Variants in PRKG1 observed in about 807,000 individuals in gnomAD.
PRKG1 encodes the protein protein kinase cGMP-dependent 1, also known as cGMP-dependent protein kinase 1.
PRKG1 carries 35 observed loss-of-function variants against 88.1 expected under a neutral mutation model. The ratio of observed to expected loss-of-function variants is 0.40; its 90% CI spans 0.30 to 0.53. The LOEUF (loss-of-function observed/expected upper bound fraction) is 0.53, where lower values mean the gene tolerates loss of function less well. Ranked by LOEUF, PRKG1 falls within the 20% of genes least tolerant of loss-of-function variation. The pLI, the probability that PRKG1 is intolerant of heterozygous loss-of-function variation, is 0.59. For missense variants in PRKG1, 540 were observed against 839.8 expected, an observed-to-expected ratio of 0.64 and a Z score of 4.41; for synonymous variants, 303 against 292.5, an observed-to-expected ratio of 1.04 and a Z score of -0.37.
intron 3 of PRKG1, among the ~76,000 whole-genome samples, chr10:51,542,836 T>C (rs887401989): frequency 1.3e-5 from 2 of 152,196 alleles, no homozygotes; most frequent in African/African-American, 4.8e-5. Context: ...TTATGTAGCC[T>C]ATCTGGACCT....
chr10:51,787,407 G>A (rs1377199412), intron 3 of PRKG1, among the ~76,000 whole-genome samples: 1 of 152,078 alleles, frequency 6.6e-6, no homozygotes, highest in African/African-American at 2.4e-5. Context: ...TCTAGTCTAA[G>A]CAACAATGTA....
chr10:51,454,906 C>G (rs1340703396), intron 2 of PRKG1, among the ~76,000 whole-genome samples: 1 of 152,186 alleles, frequency 6.6e-6, no homozygotes, highest in East Asian at 1.9e-4. Flanking sequence ...ATCTCAGGTC[C>G]TCACATTTCA....
intron 1 of PRKG1, among the ~76,000 whole-genome samples, chr10:51,150,761 G>A (rs556082486): frequency 1.2e-4 from 19 of 152,046 alleles, no homozygotes; most frequent in South Asian, 8.3e-4. Flanking sequence ...CTGAAATCCC[G>A]TCCTTCCCAT....
intron 3 of PRKG1, among the ~76,000 whole-genome samples, chr10:51,561,636 G>A (rs1023436682): frequency 1.3e-5 from 2 of 152,058 alleles, no homozygotes; most frequent in African/African-American, 2.4e-5. Flanking sequence ...GGAGGAGGAA[G>A]AAGGGGTGGG....
intron 5 of PRKG1, among the ~76,000 whole-genome samples, chr10:52,033,311 G>A (rs565604736): frequency 1.3e-5 from 2 of 152,204 alleles, no homozygotes; most frequent in Admixed American, 6.5e-5. Flanking sequence ...TCATTCAAGT[G>A]GTCAAGGTTG....
intron 2 of PRKG1, among the ~76,000 whole-genome samples, chr10:51,337,366 T>A (rs1441884568): frequency 6.6e-6 from 1 of 152,118 alleles, no homozygotes. Flanking sequence ...AACTTCATGA[T>A]GAAATTGCCA....
chr10:52,072,693 CA>C (rs966058655), intron 7 of PRKG1, among the ~76,000 whole-genome samples: 5 of 152,158 alleles, frequency 3.3e-5, no homozygotes, highest in Admixed American at 1.3e-4. Context: ...AATTTCCTCT[CA>C]TAATAACGAA....
chr10:52,206,514 C>A (rs1589699560), intron 9 of PRKG1, among the ~76,000 whole-genome samples: 1 of 152,322 alleles, frequency 6.6e-6, no homozygotes, highest in Admixed American at 6.5e-5. Context: ...AGTACTTGCA[C>A]TGGTTCTTTC....
chr10:51,426,102 C>A (rs1235221796), intron 2 of PRKG1, among the ~76,000 whole-genome samples: 1 of 151,996 alleles, frequency 6.6e-6, no homozygotes, highest in Non-Finnish European at 1.5e-5. Context: ...ATGGTGAAAC[C>A]CTATCTCTAT....
At chr10:52,248,090 C>T (rs976960243) in intron 9 of PRKG1, among the ~76,000 whole-genome samples, 2 of 152,218 alleles carry the variant, frequency 1.3e-5, no homozygotes, top group African/African-American at 2.4e-5. Context: ...AGGCATAAAT[C>T]GCTCATGCTA....
intron 3 of PRKG1, among the ~76,000 whole-genome samples, chr10:51,591,988 T>C (rs1353973110): frequency 6.6e-6 from 1 of 152,192 alleles, no homozygotes; most frequent in East Asian, 1.9e-4. Flanking sequence ...AAACACATTC[T>C]AATACAGCTT....
intron 3 of PRKG1, among the ~76,000 whole-genome samples, chr10:51,739,194 CT>C (rs938706394): frequency 2.6e-5 from 4 of 152,072 alleles, no homozygotes; most frequent in Non-Finnish European, 4.4e-5. Context: ...AATTTATTGT[CT>C]TTTTTTCCCT....
intron 5 of PRKG1, among the ~76,000 whole-genome samples, chr10:52,047,312 G>A (rs1431829189): frequency 6.6e-6 from 1 of 152,042 alleles, no homozygotes; most frequent in Non-Finnish European, 1.5e-5. Flanking sequence ...TTCGACAATG[G>A]TTTTTCCATG....
chr10:51,578,827 T>A (rs1047345958), intron 3 of PRKG1, among the ~76,000 whole-genome samples: 3 of 152,000 alleles, frequency 2.0e-5, no homozygotes, highest in Admixed American at 2.0e-4. Context: ...TATTTGAGAA[T>A]CTTTGAAATA....
intron 9 of PRKG1, among the ~76,000 whole-genome samples, chr10:52,170,995 T>C (rs1174601572): frequency 2.6e-5 from 4 of 152,156 alleles, no homozygotes; most frequent in Non-Finnish European, 5.9e-5. Flanking sequence ...CATTGTTTAG[T>C]AACATCTTCT....
chr10:52,054,924 C>T (rs1846074770), intron 6 of PRKG1, among the ~76,000 whole-genome samples: 1 of 152,110 alleles, frequency 6.6e-6, no homozygotes, highest in African/African-American at 2.4e-5. Context: ...CACTCGAGCT[C>T]AGGAGTTCAA....
intron 8 of PRKG1, among the ~76,000 whole-genome samples, chr10:52,144,962 T>C (rs1366087324): frequency 2.6e-5 from 4 of 152,148 alleles, no homozygotes; most frequent in Admixed American, 6.6e-5. Context: ...AATAGATGTA[T>C]GTAATAGATA....
chr10:51,629,647 C>T (rs991259531), intron 3 of PRKG1, among the ~76,000 whole-genome samples: 3 of 152,122 alleles, frequency 2.0e-5, no homozygotes, highest in African/African-American at 7.2e-5. Flanking sequence ...TCAGAACATA[C>T]GGAGGTTTGA....
intron 7 of PRKG1, among the ~76,000 whole-genome samples, chr10:52,070,361 T>C (rs1252876864): frequency 6.6e-6 from 1 of 152,264 alleles, no homozygotes; most frequent in East Asian, 1.9e-4. Context: ...ATTCATGTTC[T>C]GCAGCCAGTC....
Sources: gnomAD v4.1 joint callset for allele counts (sites outside exome capture counted in the v4.1 genomes callset) on GRCh38, gnomAD v4.1.1 for gene constraint, MANE v1.5 for transcripts, NCBI Gene and HGNC (gene_info 2026-07-23, HGNC 2026-07-21) for gene names.